AK5: variants seen among roughly 807,000 people sequenced by gnomAD.
The protein encoded by AK5 is adenylate kinase isoenzyme 5.
AK5 carries 27 observed loss-of-function variants against 69.5 expected under a neutral mutation model. The ratio of observed to expected loss-of-function variants is 0.39; its 90% confidence interval spans 0.29 to 0.54. AK5 has a LOEUF of 0.54. Ranked by LOEUF, AK5 falls within the 20% of genes least tolerant of loss-of-function variation. The pLI, the probability that AK5 is intolerant of heterozygous loss-of-function variation, is 0.71. For missense variants in AK5, 531 were observed against 700.4 expected (o/e 0.76, Z 2.73); for synonymous variants, 260 against 244.4 (o/e 1.06, Z -0.60).
At chr1:77,535,725 TA>T in intron 12 of AK5, 121 bp from the exon 13 acceptor site, 1 of 828,536 alleles carries the variant, frequency 1.2e-6, no homozygotes, top group Non-Finnish European at 1.8e-6. Context: ...CACCATAGTG[TA>T]ATGCTGGGAC....
intron 5 of AK5, among the ~76,000 whole-genome samples, chr1:77,306,503 T>TTG (rs1484794147): frequency 1.3e-5 from 2 of 150,748 alleles, no homozygotes; most frequent in African/African-American, 4.9e-5. Flanking sequence ...TGTTTTTTTT[T>TTG]TTTTTTTTGA....
rs1457229687 is a variant in AK5, at chr1:77,367,574, TA to T, written c.891+27007del. ...TGTTATTTTTATATATATATATATA[TA>T]TATAATATATATGTTATATATGTAA... On this transcript the variant is annotated intron_variant, in intron 6 of 13. Coordinates refer to ENST00000354567, the MANE Select transcript of AK5 (RefSeq NM_174858.3). Among the ~76,000 whole-genome samples, 8 of 10,846 alleles carry T rather than the reference TA, an allele frequency of 7.4e-4. 1 individual carries two copies. Among genetic ancestry groups the T allele is most frequent in the Non-Finnish European group, 1.2e-3 (5 of 4,286 alleles). 7.1% of individuals were successfully genotyped at this position (10,846 alleles called of 152,430 possible). A position where few individuals can be genotyped will look rare whatever the true frequency, so the allele number is the denominator to read the frequency against.
At chr1:77,458,400 T>G (rs1653630178) in intron 8 of AK5, among the ~76,000 whole-genome samples, 1 of 152,192 alleles carries the variant, frequency 6.6e-6, no homozygotes. Context: ...CTTAAGATCC[T>G]TAACTCAATC....
chr1:77,534,261 C>T (rs2803168), intron 12 of AK5, among the ~76,000 whole-genome samples: 104,043 of 152,032 alleles, frequency 0.68, 36,239 homozygotes, highest in Admixed American at 0.76. Flanking sequence ...ATGGTTTCCT[C>T]TGATCCAGGG....
intron 5 of AK5, among the ~76,000 whole-genome samples, chr1:77,311,881 T>C (rs893018125): frequency 6.6e-6 from 1 of 152,180 alleles, no homozygotes; most frequent in Middle Eastern, 3.2e-3. Flanking sequence ...CTGCTAAGAA[T>C]GGCTGGAAAC....
chr1:77,295,685 G>T (rs1027804632), intron 3 of AK5, among the ~76,000 whole-genome samples: 2 of 152,114 alleles, frequency 1.3e-5, no homozygotes, highest in African/African-American at 4.8e-5. Flanking sequence ...CTATTTTGTT[G>T]TTCTTGCTGC....
chr1:77,549,295 C>T (rs1407513633), intron 13 of AK5, among the ~76,000 whole-genome samples: 1 of 152,042 alleles, frequency 6.6e-6, no homozygotes, highest in South Asian at 2.1e-4. Flanking sequence ...ATGTTTATTT[C>T]TTCCTTAAAA....
chr1:77,443,228 G>T (rs754968582), intron 8 of AK5, among the ~76,000 whole-genome samples: 11 of 152,188 alleles, frequency 7.2e-5, no homozygotes, highest in Middle Eastern at 6.8e-3. Context: ...AAGTGTTTGG[G>T]ATTTCAGATT....
At chr1:77,308,068 A>G (rs1453149033) in intron 5 of AK5, among the ~76,000 whole-genome samples, 3 of 152,198 alleles carry the variant, frequency 2.0e-5, no homozygotes. Flanking sequence ...AATTTAAGTC[A>G]CATGGCTTTA....
chr1:77,524,918 G>T (rs1434470923), intron 12 of AK5, among the ~76,000 whole-genome samples: 1 of 152,096 alleles, frequency 6.6e-6, no homozygotes, highest in African/African-American at 2.4e-5. Context: ...TTGTTTCTTT[G>T]TTTGTTTGTG....
In AK5 at chr1:77,367,579, A is replaced by ATATATATGATAT. The variant is rs71075732; in HGVS notation, c.891+27011_891+27012insTATATATGATAT. On this transcript the variant is annotated intron_variant, in intron 6 of 13. Transcript: ENST00000354567. The stretch of plus-strand genomic sequence containing the variant: ...TTTTTATATATATATATATATATAT[A>ATATATATGATAT]ATATATATGTTATATATGTAATATA... 9.4e-5 allele frequency among the ~76,000 whole-genome samples: 5 copies of ATATATATGATAT among 53,364 alleles called. 1 individual carries two copies. Among genetic ancestry groups the ATATATATGATAT allele is most frequent in the African/African-American group, 5.3e-4 (5 of 9,408 alleles). The allele number at this position is 53,364 out of a possible 152,430, so 35.0% of individuals were successfully genotyped here. A position where few individuals can be genotyped will look rare whatever the true frequency, so the allele number is the denominator to read the frequency against.
chr1:77,378,990 C>G (rs897975216), intron 6 of AK5, among the ~76,000 whole-genome samples: 1 of 152,196 alleles, frequency 6.6e-6, no homozygotes, highest in African/African-American at 2.4e-5. Flanking sequence ...CACACCACAG[C>G]AGGCACAAGA....
chr1:77,341,441 A>G (rs1191731915), intron 6 of AK5, among the ~76,000 whole-genome samples: 2 of 152,216 alleles, frequency 1.3e-5, no homozygotes, highest in African/African-American at 4.8e-5. Context: ...AGTGGACCAA[A>G]GAGTTTTGTG....
intron 6 of AK5, among the ~76,000 whole-genome samples, chr1:77,341,628 G>C (rs1308691415): frequency 6.6e-6 from 1 of 152,232 alleles, no homozygotes; most frequent in Non-Finnish European, 1.5e-5. Flanking sequence ...AGACTAGGAT[G>C]CCCTTAGACC....
intron 8 of AK5, among the ~76,000 whole-genome samples, chr1:77,441,650 C>T (rs1652332174): frequency 6.6e-6 from 1 of 152,140 alleles, no homozygotes; most frequent in Admixed American, 6.5e-5. Context: ...TGTTAATATC[C>T]TCAGTGGCAA....
chr1:77,327,181 G>A (rs1428864427), intron 5 of AK5, among the ~76,000 whole-genome samples: 2 of 152,092 alleles, frequency 1.3e-5, no homozygotes, highest in Middle Eastern at 3.2e-3. Context: ...GAGGCCAGGA[G>A]TTCAAGACCA....
intron 10 of AK5, among the ~76,000 whole-genome samples, chr1:77,512,242 TGAGA>T (rs746100793): frequency 1.3e-5 from 2 of 151,620 alleles, no homozygotes; most frequent in East Asian, 1.9e-4. Flanking sequence ...TGTGTGTGTG[TGAGA>T]GAGAGAGAGA....
chr1:77,488,664 G>A (rs1655755776), intron 10 of AK5, among the ~76,000 whole-genome samples: 2 of 152,230 alleles, frequency 1.3e-5, no homozygotes, highest in Non-Finnish European at 2.9e-5. Flanking sequence ...AGAACTTGGA[G>A]TTTGAGGGTA....
intron 10 of AK5, among the ~76,000 whole-genome samples, chr1:77,504,061 G>A (rs999533363): frequency 7.2e-5 from 11 of 152,086 alleles, no homozygotes; most frequent in Non-Finnish European, 4.4e-5. Flanking sequence ...TTAAAAACAT[G>A]CAGCTTTTTC....
Sources: gnomAD v4.1 joint callset for allele counts (sites outside exome capture counted in the v4.1 genomes callset) on GRCh38, gnomAD v4.1.1 for gene constraint, MANE v1.5 for transcripts, NCBI Gene and HGNC (gene_info 2026-07-23, HGNC 2026-07-21) for gene names.